Variants in KCNMB4 observed in about 807,000 individuals in gnomAD.
KCNMB4 encodes the protein potassium calcium-activated channel subfamily M regulatory beta subunit 4, also known as calcium-activated potassium channel subunit beta-4.
Under a neutral mutation model 20.7 loss-of-function variants are expected in KCNMB4, and 3 were observed. The ratio of observed to expected loss-of-function variants is 0.14; its 90% confidence interval spans 0.07 to 0.37. The LOEUF (loss-of-function observed/expected upper bound fraction) is 0.37, where lower values mean the gene tolerates loss of function less well. Ranked by LOEUF, KCNMB4 falls within the 10% of genes least tolerant of loss-of-function variation. The probability of loss-of-function intolerance (pLI) is 1.00; values close to 1 mark genes in which losing one functional copy is unlikely to be tolerated. For missense variants in KCNMB4, 168 were observed against 265.9 expected (o/e 0.63, Z 2.56); for synonymous variants, 110 against 113.4 (o/e 0.97, Z 0.19).
At chr12:70,415,818 C>G (rs1221273891) in intron 2 of KCNMB4, among the ~76,000 whole-genome samples, 1 of 152,128 alleles carries the variant, frequency 6.6e-6, no homozygotes, top group Non-Finnish European at 1.5e-5. Context: ...GCACCTAGAG[C>G]ACATGCCAAG....
At chr12:70,414,668 C>T (rs1264041648) in intron 2 of KCNMB4, among the ~76,000 whole-genome samples, 27 of 152,172 alleles carry the variant, frequency 1.8e-4, no homozygotes, top group Non-Finnish European at 1.3e-4. Context: ...TTGGCAGCTA[C>T]AGCACACTAT....
chr12:70,402,953 T>C (rs1868496249), intron 2 of KCNMB4, among the ~76,000 whole-genome samples: 1 of 152,202 alleles, frequency 6.6e-6, no homozygotes, highest in East Asian at 1.9e-4. Context: ...CCTCCCTTCA[T>C]GTATCCTTGT....
At position 70,430,491 on chromosome 12, in the gene KCNMB4, T is replaced by C. The variant is rs755682623; in HGVS notation, c.471T>C (p.Asp157=). 3.7e-6 allele frequency: 6 copies of C among 1,613,514 alleles called. No homozygotes were observed. Among genetic ancestry groups the C allele is most frequent in the Non-Finnish European group, 3.4e-6 (4 of 1,179,822 alleles). The change falls in exon 3 of 3, where the codon GAT becomes GAC. Residue 157 remains aspartate (D), a synonymous_variant. Coordinates refer to ENST00000258111, the MANE Select transcript of KCNMB4 (RefSeq NM_014505.6). ...ATTCTCCATTGTCTTGCAGACCAGA[T>C]GATGTGCTTCTGCATCGCACTCATG... is the stretch of plus-strand genomic sequence containing the variant. ...TCYFNQHQRP[D]DVLLHRTHDE...
At chr12:70,380,703 C>T (rs1039873237) in intron 1 of KCNMB4, among the ~76,000 whole-genome samples, 1 of 150,670 alleles carries the variant, frequency 6.6e-6, no homozygotes, top group African/African-American at 2.4e-5. Context: ...ACAAGAGTGT[C>T]AAGAGCATTC....
rs935350452 is a variant in KCNMB4 at position 70,382,305 on chromosome 12, C to G, written c.336+15235C>G. ...AAAATTAGCCGGGCGCAGTGGCGGG[C>G]GCCTGTAGTCCCAGCTACTCTGGAG... On this transcript the variant is annotated intron_variant, in intron 1 of 2. Coordinates refer to ENST00000258111, the MANE Select transcript of KCNMB4 (RefSeq NM_014505.6). 4.8e-3 allele frequency among the ~76,000 whole-genome samples: 720 copies of G among 150,958 alleles called. 3 individuals are homozygous for G. The highest frequency in any genetic ancestry group is 0.017 in the African/African-American group (698 of 41,244).
chr12:70,377,141 T>C (rs1883701699), intron 1 of KCNMB4, among the ~76,000 whole-genome samples: 1 of 152,128 alleles, frequency 6.6e-6, no homozygotes, highest in Non-Finnish European at 1.5e-5. Context: ...GGATTAGTTA[T>C]TTTTTTCTTT....
At chr12:70,389,950 C>G (rs988683327) in intron 1 of KCNMB4, among the ~76,000 whole-genome samples, 1 of 152,150 alleles carries the variant, frequency 6.6e-6, no homozygotes, top group African/African-American at 2.4e-5. Context: ...AGTTCTATTT[C>G]TGAGGATTTA....
intron 1 of KCNMB4, among the ~76,000 whole-genome samples, chr12:70,382,780 A>G (rs1883814062): frequency 6.6e-6 from 1 of 152,254 alleles, no homozygotes; most frequent in Non-Finnish European, 1.5e-5. Flanking sequence ...GAACATGCGT[A>G]GGCAGTTCAG....
chr12:70,423,054 T>C (rs1458908748), intron 2 of KCNMB4, among the ~76,000 whole-genome samples: 1 of 152,234 alleles, frequency 6.6e-6, no homozygotes, highest in African/African-American at 2.4e-5. Flanking sequence ...GTTTGTGGGA[T>C]AAGTTTGGGG....
intron 1 of KCNMB4, among the ~76,000 whole-genome samples, chr12:70,367,367 G>T (rs1317520635): frequency 2.6e-5 from 4 of 152,132 alleles, no homozygotes; most frequent in Admixed American, 2.6e-4. Flanking sequence ...CTACCGGACT[G>T]GGTTTGGAGA....
At chr12:70,406,176 G>A (rs1868595457) in intron 2 of KCNMB4, among the ~76,000 whole-genome samples, 1 of 152,174 alleles carries the variant, frequency 6.6e-6, no homozygotes, top group Non-Finnish European at 1.5e-5. Context: ...TTTCAGTCAA[G>A]TAAGATCAAT....
At chr12:70,381,785 T>C (rs1023342476) in intron 1 of KCNMB4, among the ~76,000 whole-genome samples, 6 of 152,216 alleles carry the variant, frequency 3.9e-5, no homozygotes, top group African/African-American at 1.4e-4. Context: ...GAAAACATTC[T>C]AAAATTGATT....
chr12:70,370,947 C>T (rs1449895258), intron 1 of KCNMB4, among the ~76,000 whole-genome samples: 2 of 152,166 alleles, frequency 1.3e-5, no homozygotes, highest in Admixed American at 1.3e-4. Flanking sequence ...ACTTCCGCCT[C>T]CTGGGTTCAA....
chr12:70,403,143 A>C (rs1868501729), intron 2 of KCNMB4, among the ~76,000 whole-genome samples: 2 of 68,842 alleles, frequency 2.9e-5, no homozygotes, highest in Admixed American at 1.5e-4. Flanking sequence ...CAAAAATGCC[A>C]ATGAAAAGGT....
chr12:70,403,590 T>C (rs1317850594), intron 2 of KCNMB4, among the ~76,000 whole-genome samples: 1 of 152,178 alleles, frequency 6.6e-6, no homozygotes, highest in Non-Finnish European at 1.5e-5. Flanking sequence ...CATCTTGAAG[T>C]ACTGGGATTA....
intron 2 of KCNMB4, among the ~76,000 whole-genome samples, chr12:70,406,977 G>A (rs952476037): frequency 1.3e-5 from 2 of 152,092 alleles, no homozygotes; most frequent in African/African-American, 4.8e-5. Context: ...CAGTTCTCTG[G>A]TGACACTAGC....
intron 2 of KCNMB4, among the ~76,000 whole-genome samples, chr12:70,421,008 C>T (rs911962330): frequency 2.7e-5 from 4 of 149,412 alleles, no homozygotes; most frequent in Non-Finnish European, 5.9e-5. Flanking sequence ...GCTGAGATAG[C>T]GCCACTGCAC....
intron 2 of KCNMB4, among the ~76,000 whole-genome samples, chr12:70,413,592 C>T (rs1381769676): frequency 6.6e-6 from 1 of 152,066 alleles, no homozygotes; most frequent in Non-Finnish European, 1.5e-5. Context: ...TAGAAGTCAC[C>T]GGAAACACAT....
intron 1 of KCNMB4, among the ~76,000 whole-genome samples, chr12:70,386,252 G>T (rs1868255159): frequency 6.6e-6 from 1 of 151,756 alleles, no homozygotes; most frequent in Non-Finnish European, 1.5e-5. Flanking sequence ...TTGTTTCAGA[G>T]ATTACAATAT....
Sources: gnomAD v4.1 joint callset for allele counts (sites outside exome capture counted in the v4.1 genomes callset) on GRCh38, gnomAD v4.1.1 for gene constraint, MANE v1.5 for transcripts, NCBI Gene and HGNC (gene_info 2026-07-23, HGNC 2026-07-21) for gene names.